FXN: variants seen among roughly 807,000 people sequenced by gnomAD.
FXN encodes the protein frataxin, also known as frataxin, mitochondrial.
In FXN, 14 loss-of-function variants were observed where a neutral mutation model predicts 22.4. That is an observed-to-expected ratio of 0.62 (90% CI 0.41 to 0.98). The LOEUF (loss-of-function observed/expected upper bound fraction) is 0.98. Among genes scored for constraint, FXN ranks in the 50% least tolerant of loss-of-function variants. The pLI is 0.00. For synonymous variants in FXN, 120 were observed against 114.1 expected (o/e 1.05, Z -0.33); for missense variants, 267 against 268.4 (o/e 0.99, Z 0.04).
chr9:69,046,753 C>A (rs187376244), intron 2 of FXN, among the ~76,000 whole-genome samples: 1 of 152,222 alleles, frequency 6.6e-6, no homozygotes, highest in Non-Finnish European at 1.5e-5. Context: ...GCAGGCCATG[C>A]TGCTATCACA....
intron 2 of FXN, among the ~76,000 whole-genome samples, chr9:69,049,805 G>A (rs1294754423): frequency 2.0e-5 from 3 of 151,702 alleles, no homozygotes; most frequent in Admixed American, 6.6e-5. Flanking sequence ...CCCCCATTCC[G>A]CCTTTCCCTA....
intron 1 of FXN, 37 bp from the exon 2 acceptor site, chr9:69,046,348 G>T: frequency 6.7e-7 from 1 of 1,500,556 alleles, no homozygotes; most frequent in Non-Finnish European, 9.3e-7. Flanking sequence ...ATAATTCACT[G>T]AAAAATAGTA....
At chr9:69,051,565 A>G (rs1017007272) in intron 2 of FXN, among the ~76,000 whole-genome samples, 6 of 152,342 alleles carry the variant, frequency 3.9e-5, no homozygotes, top group African/African-American at 1.4e-4. Flanking sequence ...GGCCAAAAAT[A>G]TAAAGTTGAC....
rs961699776 is a variant in FXN at position 69,061,795 on chromosome 9, C to T, written c.385-3143C>T. The stretch of plus-strand genomic sequence containing the variant: ...TGCAGTGTTTGATTTTTTGTTCTTG[C>T]GATAGTTTACTGAGAATGATGATTT... On this transcript the variant is annotated intron_variant, in intron 3 of 4. Coordinates refer to ENST00000484259, the MANE Select transcript of FXN (RefSeq NM_000144.5). Among the ~76,000 whole-genome samples, 5 of 151,458 alleles carry T rather than the reference C, an allele frequency of 3.3e-5. No homozygotes were observed. In the East Asian group the frequency reaches 7.8e-4, roughly 24 times the overall value.
At position 69,075,940 on chromosome 9, in the gene FXN, A is replaced by G; in HGVS notation, c.*3178A>G. On this transcript the variant is annotated 3_prime_UTR_variant, in exon 5 of 5. Coordinates refer to ENST00000484259, the MANE Select transcript of FXN (RefSeq NM_000144.5). ...GGCTGGTCTCTAACACTTAGGCTCAAGTGATCCACCTGCCTCGTCCTCCCA... is the reference window on the plus strand; with the variant it reads ...GGCTGGTCTCTAACACTTAGGCTCAGGTGATCCACCTGCCTCGTCCTCCCA... 1 of 818,618 alleles carries G rather than the reference A, an allele frequency of 1.2e-6. No homozygotes were observed. Among genetic ancestry groups the G allele is most frequent in the Non-Finnish European group, 1.5e-6 (1 of 678,540 alleles). 50.7% of individuals were successfully genotyped at this position (818,618 alleles called of 1,614,324 possible). A position where few individuals can be genotyped will look rare whatever the true frequency, so the allele number is the denominator to read the frequency against.
chr9:69,047,106 G>A (rs4745553), intron 2 of FXN, among the ~76,000 whole-genome samples: 73,876 of 151,896 alleles, frequency 0.49, 18,284 homozygotes, highest in Middle Eastern at 0.6. Flanking sequence ...AAGCCGGCAC[G>A]GCATTCCCCA....
chr9:69,046,435 T>G lies in FXN; in HGVS notation c.216T>G (p.Ser72Arg). The change falls in exon 2 of 5, where the codon AGT (serine) becomes AGG (arginine). Residue 72 changes from serine (S) to arginine (R), a missense_variant. Ser to Arg is a moderately radical substitution (Grantham distance 110). Coordinates refer to ENST00000484259, the MANE Select transcript of FXN (RefSeq NM_000144.5). The part of the protein sequence containing the change: ...LNQIWNVKKQ[S>R]VYLMNLRKSG... Reference sequence around the variant, plus strand: ...AGATTTGGAATGTCAAAAAGCAGAGTGTCTATTTGATGAATTTGAGGAAAT... The same window carrying G: ...AGATTTGGAATGTCAAAAAGCAGAGGGTCTATTTGATGAATTTGAGGAAAT... 2 of 1,613,902 alleles carry G rather than the reference T, an allele frequency of 1.2e-6. No individual in the cohort carries two copies. The highest frequency in any genetic ancestry group is 1.7e-6 in the Non-Finnish European group (2 of 1,179,982).
At chr9:69,037,147 G>A (rs1831564504) in intron 1 of FXN, among the ~76,000 whole-genome samples, 2 of 151,844 alleles carry the variant, frequency 1.3e-5, no homozygotes, top group Non-Finnish European at 2.9e-5. Flanking sequence ...TTCCTGGCAG[G>A]ACGCGGTGGC....
At chr9:69,036,036 G>T (rs1004927007) in intron 1 of FXN, 89 bp downstream of exon 1, 5 of 1,139,788 alleles carry the variant, frequency 4.4e-6, no homozygotes, top group Non-Finnish European at 4.4e-6. Context: ...GCACGCCGGG[G>T]TCGCTCCGGG....
chr9:69,046,735 T>C (rs767763971), intron 2 of FXN, among the ~76,000 whole-genome samples: 15 of 152,222 alleles, frequency 9.9e-5, no homozygotes, highest in Non-Finnish European at 1.9e-4. Flanking sequence ...AATACCCTAA[T>C]AGTTAGAGCA....
chr9:69,064,660 C>T (rs546272808), intron 3 of FXN, among the ~76,000 whole-genome samples: 33 of 152,250 alleles, frequency 2.2e-4, no homozygotes, highest in African/African-American at 7.7e-4. Flanking sequence ...CTTAACTCTC[C>T]GAGCTTCACC....
chr9:69,052,485 C>G (rs1419991312), intron 2 of FXN, among the ~76,000 whole-genome samples: 2 of 151,092 alleles, frequency 1.3e-5, no homozygotes, highest in Non-Finnish European at 2.9e-5. Context: ...GTAGTTGCCT[C>G]TGGGAATGGG....
At chr9:69,051,072 G>T (rs774352947) in intron 2 of FXN, among the ~76,000 whole-genome samples, 1 of 151,582 alleles carries the variant, frequency 6.6e-6, no homozygotes. Context: ...GAGCCACCGC[G>T]CCAGGCCGGC....
chr9:69,072,075 G>T (rs1370164656), intron 4 of FXN, among the ~76,000 whole-genome samples: 1 of 152,146 alleles, frequency 6.6e-6, no homozygotes, highest in East Asian at 1.9e-4. Flanking sequence ...CTTCCCTATG[G>T]ATACCAAGGA....
At chr9:69,058,399 T>C (rs1462242491) in intron 3 of FXN, among the ~76,000 whole-genome samples, 3 of 151,854 alleles carry the variant, frequency 2.0e-5, no homozygotes, top group African/African-American at 7.3e-5. Context: ...GCTGACCTCT[T>C]TTTTTTCCCA....
Position 69,060,370 on chromosome 9 carries a change from C to CA in FXN, c.385-4554dup, listed in dbSNP as rs773672471. Among the ~76,000 whole-genome samples, 555 of 120,936 alleles carry CA rather than the reference C, an allele frequency of 4.6e-3. 3 individuals are homozygous for CA. The highest frequency in any genetic ancestry group is 0.029 in the East Asian group (117 of 4,034). 79.3% of individuals were successfully genotyped at this position (120,936 alleles called of 152,430 possible). A position where few individuals can be genotyped will look rare whatever the true frequency, so the allele number is the denominator to read the frequency against. ...TGGGTGACAGAGCGAGACTCCATCT[C>CA]AAAAAAAAAAAAAAGACTCACCAGC... On this transcript the variant is annotated intron_variant, in intron 3 of 4. Coordinates refer to ENST00000484259, the MANE Select transcript of FXN (RefSeq NM_000144.5).
At chr9:69,061,434 A>G (rs1832071856) in intron 3 of FXN, among the ~76,000 whole-genome samples, 1 of 152,036 alleles carries the variant, frequency 6.6e-6, no homozygotes, top group South Asian at 2.1e-4. Flanking sequence ...GTGGCCCCCC[A>G]GTATAGGGTG....
intron 1 of FXN, among the ~76,000 whole-genome samples, chr9:69,042,511 G>A (rs1005475880): frequency 2.6e-5 from 4 of 152,190 alleles, no homozygotes; most frequent in Admixed American, 1.3e-4. Flanking sequence ...AAAAGGTTTA[G>A]CAGTTGCCCG....
At chr9:69,054,808 C>T (rs1233200794) in intron 3 of FXN, among the ~76,000 whole-genome samples, 1 of 152,156 alleles carries the variant, frequency 6.6e-6, no homozygotes, top group Non-Finnish European at 1.5e-5. Context: ...CGCCTGGCTC[C>T]TCAAAGATGT....
Sources: gnomAD v4.1 joint callset for allele counts (sites outside exome capture counted in the v4.1 genomes callset) on GRCh38, gnomAD v4.1.1 for gene constraint, MANE v1.5 for transcripts, NCBI Gene and HGNC (gene_info 2026-07-23, HGNC 2026-07-21) for gene names.